Variants in SLC36A1 observed in about 807,000 individuals in gnomAD.
The protein encoded by SLC36A1 is solute carrier family 36 member 1, also known as proton-coupled amino acid transporter 1.
A neutral mutation model predicts 47.5 loss-of-function variants in SLC36A1; 30 were observed. That is an observed-to-expected ratio of 0.63 (90% CI 0.47 to 0.86). The LOEUF is 0.86. SLC36A1 is among the 40% of genes least tolerant of loss of function. The pLI is 0.00. For missense variants in SLC36A1, 517 were observed against 606.0 expected, an observed-to-expected ratio of 0.85 and a Z score of 1.54; for synonymous variants, 255 against 249.7, an observed-to-expected ratio of 1.02 and a Z score of -0.20.
At chr5:151,394,525 T>G in the SLC36A1 span, among the ~76,000 whole-genome samples, 1 of 152,228 alleles carries the variant, frequency 6.6e-6, no homozygotes, top group Non-Finnish European at 1.5e-5. Flanking sequence ...TTTCCCATCT[T>G]TGTGGTTTTA....
chr5:151,423,869 G>A, the SLC36A1 span, among the ~76,000 whole-genome samples: 1 of 152,226 alleles, frequency 6.6e-6, no homozygotes, highest in Non-Finnish European at 1.5e-5. Context: ...TAATGGGAGA[G>A]GCAGTGAGTG....
chr5:151,470,620 C>G (rs1757185057), intron 7 of SLC36A1, among the ~76,000 whole-genome samples: 1 of 152,190 alleles, frequency 6.6e-6, no homozygotes, highest in African/African-American at 2.4e-5. Context: ...GTTGTAGTTG[C>G]TTCATTTTGA....
chr5:151,441,948 A>G (rs966643652), intron 1 of SLC36A1, among the ~76,000 whole-genome samples: 7 of 152,102 alleles, frequency 4.6e-5, no homozygotes, highest in African/African-American at 1.7e-4. Context: ...TCTCCTCCGC[A>G]TTCCCAGGCA....
At chr5:151,515,588 C>T in the SLC36A1 span, among the ~76,000 whole-genome samples, 1 of 152,214 alleles carries the variant, frequency 6.6e-6, no homozygotes, top group Non-Finnish European at 1.5e-5. Flanking sequence ...GCACAAACTC[C>T]ATTCTTCCAG....
the SLC36A1 span, among the ~76,000 whole-genome samples, chr5:151,370,568 T>G: frequency 6.6e-6 from 1 of 152,254 alleles, no homozygotes; most frequent in African/African-American, 2.4e-5. Flanking sequence ...TAATATTCTT[T>G]GCAGCATTGT....
At chr5:151,509,166 G>A in the SLC36A1 span, among the ~76,000 whole-genome samples, 2 of 152,210 alleles carry the variant, frequency 1.3e-5, no homozygotes, top group Non-Finnish European at 2.9e-5. Context: ...TCACTGGGAA[G>A]TTCAGGTCCA....
chr5:151,542,748 A>G, the SLC36A1 span: 19 of 1,614,212 alleles, frequency 1.2e-5, no homozygotes, highest in East Asian at 4.5e-5. Flanking sequence ...ATACAGGCCT[A>G]TTGTCATTGA....
chr5:151,481,475 G>A (rs165359), intron 10 of SLC36A1, among the ~76,000 whole-genome samples: 40,195 of 152,040 alleles, frequency 0.26, 5,466 homozygotes, highest in African/African-American at 0.31. Flanking sequence ...AGCACCGTTG[G>A]TTAGTATGTG....
At chr5:151,523,843 T>C in the SLC36A1 span, among the ~76,000 whole-genome samples, 3 of 152,296 alleles carry the variant, frequency 2.0e-5, 1 homozygote, top group African/African-American at 7.2e-5. Context: ...GTTTAGCCCA[T>C]AAACCTGTCC....
intron 8 of SLC36A1, among the ~76,000 whole-genome samples, chr5:151,476,066 G>A (rs1253240522): frequency 3.3e-5 from 5 of 152,238 alleles, no homozygotes; most frequent in East Asian, 1.9e-4. Flanking sequence ...GATCCTCTAC[G>A]AAGTCATGCT....
chr5:151,378,936 G>A, the SLC36A1 span, among the ~76,000 whole-genome samples: 10 of 152,226 alleles, frequency 6.6e-5, no homozygotes, highest in South Asian at 4.1e-4. Context: ...ATGGACACCC[G>A]TATCTCTCGG....
the SLC36A1 span, chr5:151,527,142 T>C: frequency 3.3e-5 from 43 of 1,294,606 alleles, no homozygotes; most frequent in Non-Finnish European, 4.6e-5. Context: ...ACAGTCATTG[T>C]TCATGTGGAC....
chr5:151,369,884 T>C, the SLC36A1 span, among the ~76,000 whole-genome samples: 7 of 152,184 alleles, frequency 4.6e-5, no homozygotes, highest in South Asian at 2.1e-4. Context: ...AACCTCCGCC[T>C]CCCAGATTCA....
chr5:151,479,194 C>A, intron 9 of SLC36A1, 126 bp from the exon 10 acceptor site: 1 of 981,608 alleles, frequency 1.0e-6, no homozygotes, highest in Non-Finnish European at 1.5e-6. Flanking sequence ...TTGCTGGGTC[C>A]GAAGGACATG....
Position 151,488,891 on chromosome 5 carries a change from G to A in SLC36A1, c.*637G>A, listed in dbSNP as rs1281192554. 2.0e-5 allele frequency: 3 copies of A among 152,582 alleles called. No homozygotes were observed. Among genetic ancestry groups the A allele is most frequent in the African/African-American group, 7.2e-5 (3 of 41,440 alleles). 9.5% of individuals were successfully genotyped at this position (152,582 alleles called of 1,614,324 possible). A position where few individuals can be genotyped will look rare whatever the true frequency, so the allele number is the denominator to read the frequency against. ...ATTCCTTAGTGTGGGTCACAGTACTGTGTTCTTAGTTGCTTTAGCTCTTAA... is the reference window on the plus strand; with the variant it reads ...ATTCCTTAGTGTGGGTCACAGTACTATGTTCTTAGTTGCTTTAGCTCTTAA... On this transcript the variant is annotated 3_prime_UTR_variant, in exon 11 of 11. Coordinates refer to ENST00000243389, the MANE Select transcript of SLC36A1 (RefSeq NM_078483.4).
At chr5:151,478,266 A>G (rs939797114) in intron 9 of SLC36A1, among the ~76,000 whole-genome samples, 4 of 152,232 alleles carry the variant, frequency 2.6e-5, no homozygotes, top group African/African-American at 9.6e-5. Context: ...TGTTTAACAC[A>G]TGAGGGTCTG....
At chr5:151,396,558 TA>T in the SLC36A1 span, among the ~76,000 whole-genome samples, 1,660 of 152,292 alleles carry the variant, frequency 0.011, 69 homozygotes, top group East Asian at 0.14. Flanking sequence ...AAATATTAAT[TA>T]GGGGTCACAC....
chr5:151,544,853 C>T, the SLC36A1 span: 116 of 1,614,154 alleles, frequency 7.2e-5, no homozygotes, highest in Admixed American at 1.9e-3. Flanking sequence ...GTGGCAGATA[C>T]CTGAAAGAGG....
the SLC36A1 span, among the ~76,000 whole-genome samples, chr5:151,508,066 C>T: frequency 6.6e-6 from 1 of 152,160 alleles, no homozygotes; most frequent in African/African-American, 2.4e-5. Context: ...CACAGATCAG[C>T]CACCTTACAA....
Sources: gnomAD v4.1 joint callset for allele counts (sites outside exome capture counted in the v4.1 genomes callset) on GRCh38, gnomAD v4.1.1 for gene constraint, MANE v1.5 for transcripts, NCBI Gene and HGNC (gene_info 2026-07-23, HGNC 2026-07-21) for gene names.